Variants in CDC42SE2 observed in about 807,000 individuals in gnomAD.
The protein encoded by CDC42SE2 is CDC42 small effector protein 2.
A neutral mutation model predicts 11.5 loss-of-function variants in CDC42SE2; 3 were observed. That is an observed-to-expected ratio of 0.26 (90% CI 0.12 to 0.67). The LOEUF (loss-of-function observed/expected upper bound fraction) is 0.67, where lower values mean the gene tolerates loss of function less well. CDC42SE2 is among the 30% of genes least tolerant of loss of function. CDC42SE2 has a pLI of 0.80. For synonymous variants in CDC42SE2, 33 were observed against 34.8 expected (o/e 0.95, Z 0.18); for missense variants, 82 against 106.8 (o/e 0.77, Z 1.02).
intron 2 of CDC42SE2, among the ~76,000 whole-genome samples, chr5:131,257,906 T>C (rs1419143308): frequency 6.6e-6 from 1 of 152,174 alleles, no homozygotes; most frequent in Admixed American, 6.5e-5. Flanking sequence ...GCTTGCTGAA[T>C]GGCTTCCTAA....
intron 4 of CDC42SE2, among the ~76,000 whole-genome samples, chr5:131,390,432 C>G (rs981650985): frequency 6.6e-6 from 1 of 152,018 alleles, no homozygotes; most frequent in Non-Finnish European, 1.5e-5. Context: ...TGCCTGTAAT[C>G]GCAGCACTTT....
chr5:131,252,172 G>A (rs138759409), intron 1 of CDC42SE2, among the ~76,000 whole-genome samples: 2 of 152,222 alleles, frequency 1.3e-5, no homozygotes, highest in Non-Finnish European at 2.9e-5. Context: ...AAGGTTACAA[G>A]AAGCTTATCA....
intron 3 of CDC42SE2, among the ~76,000 whole-genome samples, chr5:131,381,738 C>T (rs1284161550): frequency 6.6e-6 from 1 of 152,220 alleles, no homozygotes; most frequent in Non-Finnish European, 1.5e-5. Context: ...ATTTTGACCT[C>T]TTCTAACATG....
chr5:131,307,561 T>C (rs556852077), intron 1 of CDC42SE2, among the ~76,000 whole-genome samples: 36 of 152,282 alleles, frequency 2.4e-4, no homozygotes, highest in African/African-American at 8.2e-4. Flanking sequence ...GCATGATTTA[T>C]AATCCTTTGG....
upstream of CDC42SE2, among the ~76,000 whole-genome samples, chr5:131,261,877 T>G (rs1454685239): frequency 6.8e-6 from 1 of 146,336 alleles, no homozygotes; most frequent in Admixed American, 6.8e-5. Flanking sequence ...AAAAAAAAAG[T>G]GTCATTCAAC....
the CDC42SE2 span, among the ~76,000 whole-genome samples, chr5:131,227,833 G>A: frequency 5.3e-5 from 8 of 152,184 alleles, no homozygotes; most frequent in South Asian, 1.5e-3. Context: ...TCTCTTGAGT[G>A]CAGGAGTTTG....
chr5:131,293,457 G>T lies in CDC42SE2; in HGVS notation c.-454-22519G>T, dbSNP rs755376162. 2.0e-5 allele frequency among the ~76,000 whole-genome samples: 3 copies of T among 151,938 alleles called. No homozygotes were observed. In the South Asian group the frequency reaches 6.2e-4, roughly 32 times the overall value. On this transcript the variant is annotated intron_variant, in intron 1 of 4. Transcript: ENST00000505065. ...CGTGGTGGCGGGTGCCTGTAATCCC[G>T]GTTACCGGGGCGGCTGAGGCAGGAG...
Position 131,308,372 on chromosome 5 carries a change from G to A in CDC42SE2, c.-454-7604G>A, listed in dbSNP as rs1345530310. Among the ~76,000 whole-genome samples the A allele has an allele frequency of 3.9e-5, 6 of 151,946 alleles. 1 individual carries two copies. In the East Asian group the frequency reaches 7.7e-4, roughly 20 times the overall value. ...GCCTTGTAGTATAGTTTGAAGTCAG[G>A]TAGTGTGATGCCTCCAGCTTTGTTC... On this transcript the variant is annotated intron_variant, in intron 1 of 4. Coordinates refer to ENST00000505065, the MANE Select transcript of CDC42SE2 (RefSeq NM_001375635.1).
At chr5:131,223,771 A>G in the CDC42SE2 span, among the ~76,000 whole-genome samples, 1 of 152,216 alleles carries the variant, frequency 6.6e-6, no homozygotes, top group South Asian at 2.1e-4. Context: ...ATTTTTTAAT[A>G]GCTAAACTTC....
chr5:131,311,762 C>T (rs958014295), intron 1 of CDC42SE2, among the ~76,000 whole-genome samples: 4 of 152,172 alleles, frequency 2.6e-5, no homozygotes, highest in Non-Finnish European at 5.9e-5. Flanking sequence ...GCATTCTTCC[C>T]GTAGTTCTTG....
At chr5:131,219,075 A>T in the CDC42SE2 span, among the ~76,000 whole-genome samples, 1 of 152,358 alleles carries the variant, frequency 6.6e-6, no homozygotes, top group African/African-American at 2.4e-5. Context: ...AGTGGAGGTT[A>T]TGCAATTGTG....
At chr5:131,221,765 CACTT>C in the CDC42SE2 span, among the ~76,000 whole-genome samples, 2 of 152,150 alleles carry the variant, frequency 1.3e-5, no homozygotes, top group Admixed American at 6.5e-5. Flanking sequence ...CGATTTCTAA[CACTT>C]ACTTACAAAA....
exon 1 of CDC42SE2, chr5:131,245,512 T>G (rs1003505362): frequency 6.6e-6 from 1 of 152,238 alleles, no homozygotes; most frequent in Non-Finnish European, 1.5e-5. Context: ...CACACACTGC[T>G]GTCCCCTGGT....
At chr5:131,284,896 T>C (rs559061085) in intron 1 of CDC42SE2, among the ~76,000 whole-genome samples, 1 of 152,210 alleles carries the variant, frequency 6.6e-6, no homozygotes, top group South Asian at 2.1e-4. Context: ...TGGTGTGCGC[T>C]TTAGTCCCAG....
chr5:131,307,346 T>C (rs1026825076), intron 1 of CDC42SE2, among the ~76,000 whole-genome samples: 11 of 151,932 alleles, frequency 7.2e-5, no homozygotes, highest in African/African-American at 2.7e-4. Context: ...GATAGTTTAC[T>C]GAGAATGATG....
chr5:131,332,329 G>A (rs1158084928), intron 2 of CDC42SE2, among the ~76,000 whole-genome samples: 3 of 152,158 alleles, frequency 2.0e-5, no homozygotes, highest in South Asian at 2.1e-4. Flanking sequence ...AGTATTCCAC[G>A]GTGTATATGT....
At chr5:131,240,051 T>C in the CDC42SE2 span, among the ~76,000 whole-genome samples, 6 of 152,338 alleles carry the variant, frequency 3.9e-5, no homozygotes, top group South Asian at 1.2e-3. Flanking sequence ...TCCAGTAATC[T>C]ATCTTAGTAT....
intron 3 of CDC42SE2, among the ~76,000 whole-genome samples, chr5:131,379,904 G>T (rs140198241): frequency 6.6e-6 from 1 of 151,860 alleles, no homozygotes; most frequent in African/African-American, 2.4e-5. Flanking sequence ...CCCCTTGTTT[G>T]CCCATGACTA....
chr5:131,247,780 T>G (rs1386927686), intron 1 of CDC42SE2, among the ~76,000 whole-genome samples: 1 of 152,078 alleles, frequency 6.6e-6, no homozygotes, highest in African/African-American at 2.4e-5. Flanking sequence ...TAGCTGGGAT[T>G]ATAAGCACAA....
Sources: gnomAD v4.1 joint callset for allele counts (sites outside exome capture counted in the v4.1 genomes callset) on GRCh38, gnomAD v4.1.1 for gene constraint, MANE v1.5 for transcripts, NCBI Gene and HGNC (gene_info 2026-07-23, HGNC 2026-07-21) for gene names.